KAT6B: variants seen among roughly 807,000 people sequenced by gnomAD.
KAT6B encodes the protein lysine acetyltransferase 6B, also known as histone acetyltransferase KAT6B.
A neutral mutation model predicts 187.5 loss-of-function variants in KAT6B; 10 were observed. The ratio of observed to expected loss-of-function variants is 0.05; its 90% CI spans 0.03 to 0.09. KAT6B has a LOEUF of 0.09. KAT6B is among the 10% of genes least tolerant of loss of function. KAT6B has a pLI of 1.00. For synonymous variants in KAT6B, 861 were observed against 926.8 expected, an observed-to-expected ratio of 0.93 and a Z score of 1.29; for missense variants, 1,952 against 2,558.9, an observed-to-expected ratio of 0.76 and a Z score of 5.12.
At chr10:74,996,008 G>A (rs1843409359) in intron 13 of KAT6B, among the ~76,000 whole-genome samples, 1 of 152,236 alleles carries the variant, frequency 6.6e-6, no homozygotes, top group Non-Finnish European at 1.5e-5. Flanking sequence ...AACACCAACT[G>A]ATTCAGCAGT....
chr10:74,885,634 T>C (rs968653810), intron 3 of KAT6B, among the ~76,000 whole-genome samples: 1 of 151,956 alleles, frequency 6.6e-6, no homozygotes, highest in Non-Finnish European at 1.5e-5. Context: ...GATAAAGAAG[T>C]GTAGTAAATA....
chr10:74,934,804 G>T (rs985988471), intron 3 of KAT6B, among the ~76,000 whole-genome samples: 7 of 152,094 alleles, frequency 4.6e-5, no homozygotes, highest in Non-Finnish European at 8.8e-5. Flanking sequence ...GTTGCTGATG[G>T]GCTCTTCTTC....
intron 13 of KAT6B, among the ~76,000 whole-genome samples, chr10:75,002,077 G>A (rs971075355): frequency 2.0e-5 from 3 of 152,168 alleles, no homozygotes; most frequent in African/African-American, 7.2e-5. Flanking sequence ...ATGGGTATGG[G>A]TAGCAGAGAT....
At position 74,925,066 on chromosome 10, in the gene KAT6B, GAGA is replaced by G. The variant is rs1848394643; in HGVS notation, c.622-34901_622-34899del. 5.3e-5 allele frequency among the ~76,000 whole-genome samples: 8 copies of G among 152,072 alleles called. No individual in the cohort carries two copies. The South Asian group carries it at 1.7e-3, about 32-fold the overall frequency. Reference sequence around the variant, plus strand: ...TACTTTTATTTATTTTTTATTTTTTGAGAAGGAGTCTCGCTTAGGCTGGAGTGC... The same window carrying G: ...TACTTTTATTTATTTTTTATTTTTTGAGGAGTCTCGCTTAGGCTGGAGTGC... On this transcript the variant is annotated intron_variant, in intron 3 of 17. Coordinates refer to ENST00000287239, the MANE Select transcript of KAT6B (RefSeq NM_012330.4).
intron 13 of KAT6B, among the ~76,000 whole-genome samples, chr10:74,993,500 A>G (rs540955193): frequency 6.6e-6 from 1 of 152,318 alleles, no homozygotes; most frequent in Admixed American, 6.5e-5. Flanking sequence ...TTCTACAAAG[A>G]TGCTCTCATA....
intron 1 of KAT6B, among the ~76,000 whole-genome samples, chr10:74,833,134 CA>C (rs905808106): frequency 3.7e-3 from 192 of 52,296 alleles, no homozygotes; most frequent in Middle Eastern, 8.6e-3. Flanking sequence ...GACTCTGTCT[CA>C]AAAAAAAAAA....
intron 3 of KAT6B, among the ~76,000 whole-genome samples, chr10:74,892,692 G>A (rs1845720760): frequency 1.3e-5 from 2 of 152,100 alleles, no homozygotes; most frequent in African/African-American, 4.8e-5. Context: ...GGCCTCAAGA[G>A]AATAACTCAG....
At chr10:74,846,435 T>C (rs1842106094) in intron 3 of KAT6B, among the ~76,000 whole-genome samples, 1 of 152,144 alleles carries the variant, frequency 6.6e-6, no homozygotes. Flanking sequence ...TATATATTTT[T>C]GTTTTGTTTT....
intron 3 of KAT6B, among the ~76,000 whole-genome samples, chr10:74,859,374 T>C (rs999261222): frequency 6.6e-6 from 1 of 152,170 alleles, no homozygotes; most frequent in African/African-American, 2.4e-5. Context: ...CGTGAGCCAC[T>C]GTGCCCAGCA....
intron 3 of KAT6B, among the ~76,000 whole-genome samples, chr10:74,929,667 A>ATATATAAATATAT (rs1164827481): frequency 6.6e-6 from 1 of 152,192 alleles, no homozygotes; most frequent in Non-Finnish European, 1.5e-5. Flanking sequence ...TATGGCTTCT[A>ATATATAAATATAT]ACGGGCTGCT....
At chr10:74,828,320 G>T (rs979075024) in intron 1 of KAT6B, among the ~76,000 whole-genome samples, 1 of 152,118 alleles carries the variant, frequency 6.6e-6, no homozygotes, top group Non-Finnish European at 1.5e-5. Flanking sequence ...AGTATGTTTG[G>T]GGTTGGAGGT....
intron 3 of KAT6B, among the ~76,000 whole-genome samples, chr10:74,945,978 T>C (rs534161617): frequency 6.6e-6 from 1 of 152,232 alleles, no homozygotes; most frequent in Non-Finnish European, 1.5e-5. Context: ...AAATATTTCC[T>C]CCTCCTCTAT....
intron 3 of KAT6B, among the ~76,000 whole-genome samples, chr10:74,943,694 G>A (rs939316733): frequency 9.2e-5 from 14 of 151,968 alleles, no homozygotes; most frequent in Admixed American, 8.5e-4. Context: ...TATAAAACTA[G>A]AAGAAAATGT....
chr10:74,967,414 G>A (rs1389766030), intron 4 of KAT6B, among the ~76,000 whole-genome samples: 1 of 152,134 alleles, frequency 6.6e-6, no homozygotes, highest in African/African-American at 2.4e-5. Flanking sequence ...TACTTGATCA[G>A]TAGCATTGCT....
intron 13 of KAT6B, among the ~76,000 whole-genome samples, chr10:75,005,871 A>G (rs374755451): frequency 2.6e-5 from 4 of 152,328 alleles, no homozygotes; most frequent in Non-Finnish European, 1.5e-5. Context: ...TAATGTTTCT[A>G]AAGTGTATAA....
intron 3 of KAT6B, among the ~76,000 whole-genome samples, chr10:74,874,254 A>G (rs1393898857): frequency 6.6e-6 from 1 of 152,264 alleles, no homozygotes; most frequent in Non-Finnish European, 1.5e-5. Flanking sequence ...CATGGGAATA[A>G]GAAAGCAAAA....
At chr10:74,934,462 C>T (rs941537593) in intron 3 of KAT6B, among the ~76,000 whole-genome samples, 1 of 152,132 alleles carries the variant, frequency 6.6e-6, no homozygotes, top group Non-Finnish European at 1.5e-5. Flanking sequence ...TAGAATGGGC[C>T]GTGTGAACTT....
At chr10:74,838,038 A>G (rs1161490439) in intron 1 of KAT6B, among the ~76,000 whole-genome samples, 1 of 152,096 alleles carries the variant, frequency 6.6e-6, no homozygotes, top group Non-Finnish European at 1.5e-5. Context: ...TGATTGTTTT[A>G]CGTAAGATCA....
At chr10:75,023,980 TAGC>T (rs1352676319) in intron 16 of KAT6B, among the ~76,000 whole-genome samples, 2 of 152,266 alleles carry the variant, frequency 1.3e-5, no homozygotes, top group Non-Finnish European at 2.9e-5. Context: ...AATTACATCT[TAGC>T]AGCAAATCTA....
Sources: gnomAD v4.1 joint callset for allele counts (sites outside exome capture counted in the v4.1 genomes callset) on GRCh38, gnomAD v4.1.1 for gene constraint, MANE v1.5 for transcripts, NCBI Gene and HGNC (gene_info 2026-07-23, HGNC 2026-07-21) for gene names.